Variants in RNF4 observed in about 807,000 individuals in gnomAD.
The protein encoded by RNF4 is ring finger protein 4.
RNF4 carries 7 observed loss-of-function variants against 24.3 expected under a neutral mutation model. The ratio of observed to expected loss-of-function variants is 0.29; its 90% CI spans 0.16 to 0.54. The LOEUF (loss-of-function observed/expected upper bound fraction) is 0.54, where lower values mean the gene tolerates loss of function less well. Among genes scored for constraint, RNF4 ranks in the 20% least tolerant of loss-of-function variants. The pLI is 0.95. For missense variants in RNF4, 209 were observed against 248.5 expected, an observed-to-expected ratio of 0.84 and a Z score of 1.07; for synonymous variants, 83 against 84.3, an observed-to-expected ratio of 0.98 and a Z score of 0.09.
intron 1 of RNF4, among the ~76,000 whole-genome samples, chr4:2,485,550 T>C (rs975810863): frequency 2.6e-5 from 4 of 152,222 alleles, no homozygotes; most frequent in African/African-American, 9.7e-5. Flanking sequence ...TTGGGTTTTA[T>C]GGCCTCATTC....
chr4:2,469,940 A>G (rs756174573), intron 1 of RNF4: 1 of 152,290 alleles, frequency 6.6e-6, no homozygotes, highest in Non-Finnish European at 1.5e-5. Flanking sequence ...AGGTGTATGA[A>G]GATTCTCACG....
At chr4:2,494,373 CT>C (rs753327529) in intron 2 of RNF4, among the ~76,000 whole-genome samples, 24,290 of 97,796 alleles carry the variant, frequency 0.25, 1,694 homozygotes, top group Admixed American at 0.4. Context: ...CAACTTAGAA[CT>C]TTTTTTTTTT....
At chr4:2,474,749 G>A (rs1735016314) in intron 1 of RNF4, among the ~76,000 whole-genome samples, 1 of 152,176 alleles carries the variant, frequency 6.6e-6, no homozygotes, top group South Asian at 2.1e-4. Context: ...AGTTGGCCCA[G>A]TGCGGTGGCT....
chr4:2,507,174 A>G (rs1736128501), intron 4 of RNF4, among the ~76,000 whole-genome samples: 1 of 150,536 alleles, frequency 6.6e-6, no homozygotes, highest in African/African-American at 2.4e-5. Flanking sequence ...AGGATGCTTG[A>G]TAAAGGCTTT....
intron 1 of RNF4, among the ~76,000 whole-genome samples, chr4:2,482,497 T>A (rs1735273811): frequency 2.0e-5 from 3 of 152,150 alleles, no homozygotes; most frequent in African/African-American, 7.2e-5. Flanking sequence ...ATCCTTAGGT[T>A]TCCTTCATTA....
At chr4:2,472,666 A>G (rs1325275175) in intron 1 of RNF4, among the ~76,000 whole-genome samples, 2 of 152,028 alleles carry the variant, frequency 1.3e-5, no homozygotes, top group African/African-American at 2.4e-5. Flanking sequence ...GGCTACAGCT[A>G]CATAGATTGT....
At chr4:2,499,601 T>G (rs201425200) in intron 3 of RNF4, among the ~76,000 whole-genome samples, 11 of 139,062 alleles carry the variant, frequency 7.9e-5, no homozygotes, top group Admixed American at 2.4e-4. Context: ...AATATTAATA[T>G]TAATAGTAAT....
rs766527093 is a variant in RNF4, at chr4:2,511,978, G to A, written c.214+13G>A. On this transcript the variant is annotated intron_variant, in intron 5 of 7. Transcript: ENST00000314289. Reference sequence around the variant, plus strand: ...AAGATTGTTGACGGTGAGTGGTTTCGTTTCCTTTTTCACTGGGTTTGGAGA... The same window carrying A: ...AAGATTGTTGACGGTGAGTGGTTTCATTTCCTTTTTCACTGGGTTTGGAGA... 6.8e-6 allele frequency: 11 copies of A among 1,606,010 alleles called. No homozygotes were observed. Among genetic ancestry groups the A allele is most frequent in the East Asian group, 2.2e-5 (1 of 44,748 alleles).
At chr4:2,490,770 TGTC>T in intron 2 of RNF4, 1 of 386,966 alleles carries the variant, frequency 2.6e-6, no homozygotes, top group Non-Finnish European at 4.7e-6. Flanking sequence ...TCACAACAGT[TGTC>T]AGTGTCATAG....
In RNF4 at chr4:2,514,917, C is replaced by T. The variant is rs976683422; in HGVS notation, c.*1098C>T. ...GGCCACTGGGCTTGGATGCTTCGGGCTTCTGACTGCTCCATAGGTTTTGAC... is the reference window on the plus strand; with the variant it reads ...GGCCACTGGGCTTGGATGCTTCGGGTTTCTGACTGCTCCATAGGTTTTGAC... On this transcript the variant is annotated 3_prime_UTR_variant, in exon 8 of 8. Transcript: ENST00000314289. 1 of 152,450 alleles carries T rather than the reference C, an allele frequency of 6.6e-6. No individual in the cohort carries two copies. Among genetic ancestry groups the T allele is most frequent in the Admixed American group, 6.5e-5 (1 of 15,276 alleles). 9.4% of individuals were successfully genotyped at this position (152,450 alleles called of 1,614,324 possible).
chr4:2,491,084 T>C (rs891360804), intron 2 of RNF4, among the ~76,000 whole-genome samples: 1 of 152,202 alleles, frequency 6.6e-6, no homozygotes, highest in Admixed American at 6.5e-5. Context: ...CTATAAAGTA[T>C]TTGCAACCCA....
intron 1 of RNF4, among the ~76,000 whole-genome samples, chr4:2,488,271 T>TG (rs1735473570): frequency 6.6e-6 from 1 of 152,192 alleles, no homozygotes; most frequent in South Asian, 2.1e-4. Flanking sequence ...GAGACCAGCC[T>TG]GGCCAACCTG....
chr4:2,486,961 T>C (rs898896279), intron 1 of RNF4, among the ~76,000 whole-genome samples: 1 of 152,134 alleles, frequency 6.6e-6, no homozygotes. Context: ...ACCCAGGACA[T>C]GTGGTGGATC....
At chr4:2,501,359 T>C (rs1020296533) in intron 4 of RNF4, among the ~76,000 whole-genome samples, 1 of 152,246 alleles carries the variant, frequency 6.6e-6, no homozygotes, top group Non-Finnish European at 1.5e-5. Flanking sequence ...TAGCATGGCC[T>C]CAGGGGATGC....
intron 1 of RNF4, among the ~76,000 whole-genome samples, chr4:2,471,988 C>T (rs1438554476): frequency 6.6e-6 from 1 of 152,130 alleles, no homozygotes; most frequent in Non-Finnish European, 1.5e-5. Flanking sequence ...AAGGTGGCCA[C>T]ACTAAACAAC....
At chr4:2,482,865 G>T (rs1053593414) in intron 1 of RNF4, among the ~76,000 whole-genome samples, 1 of 152,176 alleles carries the variant, frequency 6.6e-6, no homozygotes, top group Non-Finnish European at 1.5e-5. Context: ...CATTGGCTGT[G>T]TGCCGGCTTT....
At chr4:2,491,447 G>A (rs1427526344) in intron 2 of RNF4, among the ~76,000 whole-genome samples, 1 of 152,060 alleles carries the variant, frequency 6.6e-6, no homozygotes, top group African/African-American at 2.4e-5. Context: ...TGTTGGCCAG[G>A]CTATTTTGGT....
At chr4:2,488,456 A>AACC (rs1735478659) in intron 1 of RNF4, among the ~76,000 whole-genome samples, 1 of 152,048 alleles carries the variant, frequency 6.6e-6, no homozygotes, top group Non-Finnish European at 1.5e-5. Flanking sequence ...CCGTCTCAAA[A>AACC]ACAACAACAA....
chr4:2,512,744 T>A lies in RNF4; in HGVS notation c.374+147T>A. The A allele has an allele frequency of 1.1e-6, 1 of 936,024 alleles. No individual in the cohort carries two copies. Among genetic ancestry groups the A allele is most frequent in the Non-Finnish European group, 1.6e-6 (1 of 637,170 alleles). The allele number at this position is 936,024 out of a possible 1,614,324, so 58.0% of individuals were successfully genotyped here. ...GCATCTGGATACAGTTGGAACTGGG[T>A]CCAGAACTGAGTCCAGCTATTCCCA... On this transcript the variant is annotated intron_variant, in intron 6 of 7. Transcript: ENST00000314289. This position sits in a 1 kb window ranked among gnomAD's most constrained non-coding sequence, Gnocchi z 4.1.
Sources: allele counts gnomAD v4.1 joint callset (sites outside exome capture counted in the v4.1 genomes callset), GRCh38; gene constraint gnomAD v4.1.1; non-coding constraint Gnocchi (gnomAD v3.1); transcripts MANE v1.5; gene names NCBI Gene and HGNC (gene_info 2026-07-23, HGNC 2026-07-21).